The following ALOXE3 variants were observed in gnomAD, a reference collection of about 807,000 sequenced individuals.
The protein encoded by ALOXE3 is arachidonate epidermal lipoxygenase 3.
Under a neutral mutation model 87.5 loss-of-function variants are expected in ALOXE3, and 78 were observed. The observed-to-expected ratio is 0.89, with a 90% CI of 0.74 to 1.08. The LOEUF is 1.08. ALOXE3 is among the 50% of genes least tolerant of loss of function. The pLI is 0.00. For synonymous variants in ALOXE3, 363 were observed against 370.8 expected (o/e 0.98, Z 0.24); for missense variants, 946 against 912.4 (o/e 1.04, Z -0.47).
At chr17:8,098,493 G>A (rs946472943) in intron 15 of ALOXE3, among the ~76,000 whole-genome samples, 7 of 151,988 alleles carry the variant, frequency 4.6e-5, no homozygotes, top group Admixed American at 3.9e-4. Context: ...ACCTGCCTCA[G>A]CCTCCCAAAG....
intron 15 of ALOXE3, among the ~76,000 whole-genome samples, chr17:8,102,496 G>A (rs1460735095): frequency 6.6e-6 from 1 of 152,036 alleles, no homozygotes; most frequent in Non-Finnish European, 1.5e-5. Flanking sequence ...CCATGTGGGG[G>A]GGTGGGGGAA....
chr17:8,107,603 TC>T (rs1979417309), intron 13 of ALOXE3, among the ~76,000 whole-genome samples: 1 of 151,374 alleles, frequency 6.6e-6, no homozygotes, highest in African/African-American at 2.4e-5. Context: ...ATCGAGACCA[TC>T]CTGGCTAACA....
rs185479302 is a variant in ALOXE3, at chr17:8,103,233, G to A, written c.1956+90C>T. 1.3e-4 allele frequency: 184 copies of A among 1,468,190 alleles called. 2 individuals are homozygous for A. In the Admixed American group the frequency reaches 2.6e-3, roughly 20 times the overall value. The allele number at this position is 1,468,190 out of a possible 1,614,324, so 90.9% of individuals were successfully genotyped here. ...TTCTGCAGTGAACATAAATCCCGTC[G>A]ATCAGTCCTCAAGCCCCCAGACGAA... On this transcript the variant is annotated intron_variant, in intron 15 of 15. Transcript: ENST00000448843.
At chr17:8,099,025 T>TC (rs1342071199) in intron 15 of ALOXE3, among the ~76,000 whole-genome samples, 9 of 147,754 alleles carry the variant, frequency 6.1e-5, no homozygotes, top group African/African-American at 2.2e-4. Flanking sequence ...TAGTTTTCTT[T>TC]TTTTTTTTTT....
Position 8,103,394 on chromosome 17 carries a change from G to C in ALOXE3, c.1885C>G (p.Leu629Val), listed in dbSNP as rs756451445. The C allele has an allele frequency of 6.2e-7, 1 of 1,614,154 alleles. No homozygotes were observed. Among genetic ancestry groups the C allele is most frequent in the African/African-American group, 1.3e-5 (1 of 75,026 alleles). ...TTTLKTYLDT[L>V]PEVNISCNNL... ...TTACAGCTGATGTTCACTTCAGGGA[G>C]GGTGTCTAGGTAAGTCTTCAGGGTG... The change falls in exon 15 of 16, where the codon CTC (leucine) becomes GTC (valine). Residue 629 changes from leucine to valine, a missense_variant. Coordinates refer to ENST00000448843, the MANE Select transcript of ALOXE3 (RefSeq NM_021628.3).
Position 8,107,963 on chromosome 17 carries a change from AAG to A in ALOXE3, c.1684+503_1684+504del, listed in dbSNP as rs746947507. 8.7e-3 allele frequency among the ~76,000 whole-genome samples: 24 copies of A among 2,772 alleles called. 8 individuals carry two copies. The highest frequency in any genetic ancestry group is 0.038 in the South Asian group (6 of 158). The allele number at this position is 2,772 out of a possible 152,430, so 1.8% of individuals were successfully genotyped here. ...AAAGAAAGAAAGAAAGAAAGAAAGG[AAG>A]GAGAGAGAGAGAGAGAGAAAGAAAG... On this transcript the variant is annotated intron_variant, in intron 13 of 15. Transcript: ENST00000448843.
intron 13 of ALOXE3, among the ~76,000 whole-genome samples, chr17:8,106,981 T>C (rs991399429): frequency 2.0e-5 from 3 of 152,100 alleles, no homozygotes; most frequent in African/African-American, 7.2e-5. Context: ...CTACAATAGG[T>C]TTATACTTGT....
In ALOXE3 at chr17:8,111,428, C is replaced by A. The variant is rs1267443223; in HGVS notation, c.888G>T (p.Lys296Asn). The A allele has an allele frequency of 6.2e-7, 1 of 1,614,020 alleles. No homozygotes were observed. Among genetic ancestry groups the A allele is most frequent in the Non-Finnish European group, 8.5e-7 (1 of 1,180,052 alleles). Residue 296 changes from lysine (K) to asparagine (N), a missense_variant, in exon 8 of 16, where the codon AAG becomes AAT. Coordinates refer to ENST00000448843, the MANE Select transcript of ALOXE3 (RefSeq NM_021628.3). ...MLHCISSLPS[K>N]LPVTNDMVAP... The stretch of plus-strand genomic sequence containing the variant: ...CCACCATGTCATTGGTGACAGGCAG[C>A]TTGCTGGGCAAGCTAGAGATGCAGT...
At position 8,114,489 on chromosome 17, in the gene ALOXE3, G is replaced by T. The variant is rs966001459; in HGVS notation, c.675C>A (p.Ile225=). 1 of 1,613,924 alleles carries T rather than the reference G, an allele frequency of 6.2e-7. No individual in the cohort carries two copies. The highest frequency in any genetic ancestry group is 1.3e-5 in the African/African-American group (1 of 74,872). ...TAGAGGGACAATGGCCTTACGCAGG[G>T]ATGGCATTGAAGAGCAGCGAGATCG... ...TKTISLLFNA[I]PASLGMKLRG... The change falls in exon 6 of 16, where the codon ATC becomes ATA. Residue 225 remains isoleucine, a synonymous_variant. Transcript: ENST00000448843.
chr17:8,109,279 T>C lies in ALOXE3; in HGVS notation c.1457A>G (p.Tyr486Cys), dbSNP rs1178619115. 1.2e-6 allele frequency: 2 copies of C among 1,614,064 alleles called. No homozygotes were observed. The highest frequency in any genetic ancestry group is 1.7e-6 in the Non-Finnish European group (2 of 1,180,014). Residue 486 changes from tyrosine to cysteine, a missense_variant, in exon 12 of 16, where the codon TAC (tyrosine) becomes TGC (cysteine). Physicochemically the swap from Tyr to Cys is radical, Grantham distance 194. Transcript: ENST00000448843. ...LMSTGLAHFTYTNFCLPDSLR... is the reference protein window; with the variant it reads ...LMSTGLAHFTCTNFCLPDSLR... The stretch of plus-strand genomic sequence containing the variant: ...GCTGTCCGGAAGGCAGAAATTGGTG[T>C]AGGTGAAGTGGGCCAGGCCCGTGCT...
chr17:8,118,546 T>A (rs760835821), upstream of ALOXE3: 5 of 1,528,180 alleles, frequency 3.3e-6, no homozygotes, highest in Non-Finnish European at 4.4e-6. Context: ...TTGCACTTGG[T>A]CATAAATCAC....
chr17:8,115,374 C>T (rs888985526), intron 4 of ALOXE3, among the ~76,000 whole-genome samples: 1 of 152,146 alleles, frequency 6.6e-6, no homozygotes, highest in Non-Finnish European at 1.5e-5. Context: ...TGGGTTACAT[C>T]AGGGACAGTT....
chr17:8,100,818 C>CA (rs1242496415), intron 15 of ALOXE3, among the ~76,000 whole-genome samples: 5 of 151,504 alleles, frequency 3.3e-5, no homozygotes, highest in Non-Finnish European at 7.4e-5. Flanking sequence ...GTATAGCCAT[C>CA]AAAAAAACAG....
At chr17:8,107,370 A>G (rs527258378) in intron 13 of ALOXE3, among the ~76,000 whole-genome samples, 1 of 152,350 alleles carries the variant, frequency 6.6e-6, no homozygotes, top group Non-Finnish European at 1.5e-5. Context: ...TACAAAAATT[A>G]GCCAGATGTG....
rs1409065564 is a variant in ALOXE3, at chr17:8,111,397, A to G, written c.919T>C (p.Leu307=). Residue 307 remains leucine (L), a synonymous_variant, in exon 8 of 16, where the codon TTG becomes CTG. Coordinates refer to ENST00000448843, the MANE Select transcript of ALOXE3 (RefSeq NM_021628.3). ...LPVTNDMVAP[L]LGQDTCLQTE... Reference sequence around the variant, plus strand: ...TGCAGGCATGTGTCCTGTCCCAGCAAGGGGGCCACCATGTCATTGGTGACA... The same window carrying G: ...TGCAGGCATGTGTCCTGTCCCAGCAGGGGGGCCACCATGTCATTGGTGACA... The G allele has an allele frequency of 1.9e-6, 3 of 1,613,712 alleles. No individual in the cohort carries two copies.
intron 15 of ALOXE3, among the ~76,000 whole-genome samples, chr17:8,100,095 AAAAGAGAG>A (rs1388322106): frequency 2.0e-5 from 3 of 151,128 alleles, no homozygotes; most frequent in Non-Finnish European, 4.4e-5. Flanking sequence ...TGACCCTGTC[AAAAGAGAG>A]AAAGAGAGAG....
chr17:8,097,572 T>G (rs1223550532), intron 15 of ALOXE3, among the ~76,000 whole-genome samples: 4 of 152,098 alleles, frequency 2.6e-5, no homozygotes, highest in African/African-American at 9.7e-5. Context: ...CCAATCACTA[T>G]CGAGAAATAT....
intron 15 of ALOXE3, among the ~76,000 whole-genome samples, chr17:8,100,775 C>T (rs370336252): frequency 1.3e-5 from 2 of 152,014 alleles, no homozygotes; most frequent in African/African-American, 4.8e-5. Flanking sequence ...TGTGCCATTG[C>T]ACCTGGCTTA....
chr17:8,103,208 T>C, intron 15 of ALOXE3, 115 bp downstream of exon 15: 1 of 1,249,472 alleles, frequency 8.0e-7, no homozygotes, highest in Non-Finnish European at 1.2e-6. Flanking sequence ...CCCAAGGCAG[T>C]TCTGCAGTGA....
Sources: gnomAD v4.1 joint callset for allele counts (sites outside exome capture counted in the v4.1 genomes callset) on GRCh38, gnomAD v4.1.1 for gene constraint, MANE v1.5 for transcripts, NCBI Gene and HGNC (gene_info 2026-07-23, HGNC 2026-07-21) for gene names.